L3MBTL4: variants seen among roughly 807,000 people sequenced by gnomAD.
The protein encoded by L3MBTL4 is lethal(3)malignant brain tumor-like protein 4.
In L3MBTL4, 70 loss-of-function variants were observed where a neutral mutation model predicts 84.5. The observed-to-expected ratio is 0.83, with a 90% confidence interval of 0.68 to 1.01. The LOEUF is 1.01. Ranked by LOEUF, L3MBTL4 falls within the 50% of genes least tolerant of loss-of-function variation. The pLI is 0.00. For synonymous variants in L3MBTL4, 274 were observed against 259.8 expected (o/e 1.05, Z -0.52); for missense variants, 715 against 754.8 (o/e 0.95, Z 0.62).
intron 10 of L3MBTL4, among the ~76,000 whole-genome samples, chr18:6,235,345 T>C (rs2146043550): frequency 6.6e-6 from 1 of 152,054 alleles, no homozygotes; most frequent in South Asian, 2.1e-4. Context: ...AAAAAAGAAA[T>C]AAAGACGTAT....
intron 16 of L3MBTL4, among the ~76,000 whole-genome samples, chr18:6,011,105 C>T (rs2054715406): frequency 6.6e-6 from 1 of 152,292 alleles, no homozygotes; most frequent in South Asian, 2.1e-4. Context: ...GTTGTTACTG[C>T]TGTCAACAGA....
chr18:6,277,194 G>GAGTT (rs2049121224), intron 4 of L3MBTL4, among the ~76,000 whole-genome samples: 1 of 150,774 alleles, frequency 6.6e-6, no homozygotes, highest in South Asian at 2.1e-4. Flanking sequence ...GCTAGATGAC[G>GAGTT]AGTTAGTGGG....
rs1192910804 is a variant in L3MBTL4, at chr18:6,046,666, C to T, written c.1444+34215G>A. The T allele has an allele frequency of 8.2e-6, 6 of 729,378 alleles. No homozygotes were observed. In the East Asian group the frequency reaches 1.5e-4, roughly 18 times the overall value. 45.2% of individuals were successfully genotyped at this position (729,378 alleles called of 1,614,324 possible). On this transcript the variant is annotated intron_variant, in intron 16 of 18. Transcript: ENST00000317931. ...ACCTGAATGACTTTTAGGTAAATAA[C>T]AAAACTAAGGCAGAAGTAAAAAAAA... is the stretch of plus-strand genomic sequence containing the variant.
At chr18:6,214,731 G>A (rs1356304142) in intron 11 of L3MBTL4, among the ~76,000 whole-genome samples, 2 of 152,148 alleles carry the variant, frequency 1.3e-5, no homozygotes, top group Non-Finnish European at 2.9e-5. Flanking sequence ...TCACTGTCCT[G>A]AACAACAGAG....
chr18:6,108,638 G>A (rs2059090224), intron 14 of L3MBTL4, among the ~76,000 whole-genome samples: 1 of 151,930 alleles, frequency 6.6e-6, no homozygotes, highest in African/African-American at 2.4e-5. Context: ...CAATCTCAGG[G>A]CATTTCTAGA....
intron 7 of L3MBTL4, among the ~76,000 whole-genome samples, chr18:6,242,653 C>T (rs971421486): frequency 2.0e-5 from 3 of 152,146 alleles, no homozygotes; most frequent in Non-Finnish European, 2.9e-5. Context: ...CCACAGACAT[C>T]GAACAGTCTG....
At position 6,173,235 on chromosome 18, in the gene L3MBTL4, C is replaced by T. The variant is rs190543067; in HGVS notation, c.982-1293G>A. On this transcript the variant is annotated intron_variant, in intron 12 of 18. Transcript: ENST00000317931. ...CCCTTTCATAGTAATAACCATAAAA[C>T]TGGACATATGCAGGGAATATTTTCG... Among the ~76,000 whole-genome samples the T allele has an allele frequency of 6.6e-5, 10 of 152,300 alleles. No individual in the cohort carries two copies. The East Asian group carries it at 1.9e-3, about 29-fold the overall frequency.
intron 16 of L3MBTL4, among the ~76,000 whole-genome samples, chr18:6,058,904 A>T (rs1389082652): frequency 6.6e-6 from 1 of 152,194 alleles, no homozygotes; most frequent in Non-Finnish European, 1.5e-5. Flanking sequence ...CTTAGAAGCC[A>T]GTTTTGGCTC....
chr18:6,284,253 C>T (rs1009887569), intron 4 of L3MBTL4, among the ~76,000 whole-genome samples: 1 of 152,192 alleles, frequency 6.6e-6, no homozygotes, highest in African/African-American at 2.4e-5. Flanking sequence ...CAGCTCCGTG[C>T]TTACACGCTG....
chr18:6,165,000 C>A (rs1056289661), intron 13 of L3MBTL4, among the ~76,000 whole-genome samples: 6 of 152,194 alleles, frequency 3.9e-5, no homozygotes, highest in Non-Finnish European at 7.3e-5. Flanking sequence ...CCTGATGGAG[C>A]TGAAAACCAT....
At chr18:6,292,010 G>A (rs1391046729) in intron 4 of L3MBTL4, among the ~76,000 whole-genome samples, 1 of 152,152 alleles carries the variant, frequency 6.6e-6, no homozygotes, top group East Asian at 1.9e-4. Flanking sequence ...ATAGCTAGAA[G>A]AGAATAATTC....
At chr18:6,354,594 A>T (rs937186862) in intron 1 of L3MBTL4, among the ~76,000 whole-genome samples, 7 of 152,324 alleles carry the variant, frequency 4.6e-5, no homozygotes, top group South Asian at 4.1e-4. Context: ...AAAAAATCTA[A>T]TAATCCAATT....
chr18:6,059,049 A>C (rs942868013), intron 16 of L3MBTL4, among the ~76,000 whole-genome samples: 1 of 152,184 alleles, frequency 6.6e-6, no homozygotes, highest in African/African-American at 2.4e-5. Context: ...CCCTCAGCTG[A>C]CGGCAGGTGT....
intron 4 of L3MBTL4, 114 bp downstream of exon 4, chr18:6,301,789 A>T (rs974773458): frequency 2.5e-6 from 2 of 812,748 alleles, no homozygotes; most frequent in Admixed American, 3.5e-5. Flanking sequence ...TAAATGGTAG[A>T]TATTATTATC....
intron 16 of L3MBTL4, 96 bp downstream of exon 16, chr18:6,080,785 T>C: frequency 1.1e-6 from 1 of 880,792 alleles, no homozygotes; most frequent in Non-Finnish European, 1.7e-6. Flanking sequence ...TTTCTACCAT[T>C]CCCTGTTGGA....
Position 6,408,812 on chromosome 18 carries a change from G to A in L3MBTL4, c.-91+5989C>T, listed in dbSNP as rs138839465. The stretch of plus-strand genomic sequence containing the variant: ...TTCTCCTGCCTCAGCCTCCTGAGTA[G>A]CTGGGATCATAGGCATGCCACACCA... On this transcript the variant is annotated intron_variant, in intron 1 of 18. Transcript: ENST00000317931. Among the ~76,000 whole-genome samples the A allele has an allele frequency of 2.4e-4, 36 of 151,976 alleles. No homozygotes were observed. The East Asian group carries it at 6.4e-3, about 27-fold the overall frequency.
At chr18:6,101,272 T>C (rs1213437107) in intron 14 of L3MBTL4, among the ~76,000 whole-genome samples, 1 of 152,186 alleles carries the variant, frequency 6.6e-6, no homozygotes, top group African/African-American at 2.4e-5. Flanking sequence ...TACTGTGCTG[T>C]TCCCTGGGTC....
At chr18:6,287,215 T>C (rs1305662809) in intron 4 of L3MBTL4, among the ~76,000 whole-genome samples, 2 of 152,214 alleles carry the variant, frequency 1.3e-5, no homozygotes, top group Non-Finnish European at 2.9e-5. Context: ...GCTGATAGCA[T>C]GCTTAAACAT....
chr18:6,076,387 G>T (rs1725033865), intron 16 of L3MBTL4, among the ~76,000 whole-genome samples: 1 of 152,134 alleles, frequency 6.6e-6, no homozygotes, highest in Non-Finnish European at 1.5e-5. Context: ...ATAAAATTTT[G>T]CAAACAGGGC....
Sources: gnomAD v4.1 joint callset for allele counts (sites outside exome capture counted in the v4.1 genomes callset) on GRCh38, gnomAD v4.1.1 for gene constraint, MANE v1.5 for transcripts, NCBI Gene and HGNC (gene_info 2026-07-23, HGNC 2026-07-21) for gene names.